Variants in ACYP2 observed in about 807,000 individuals in gnomAD.
ACYP2 encodes acylphosphatase-2.
A neutral mutation model predicts 11.2 loss-of-function variants in ACYP2; 12 were observed. The observed-to-expected ratio is 1.08, with a 90% CI of 0.69 to 1.74. ACYP2 has a LOEUF of 1.74. ACYP2 is among the 40% of genes most tolerant of loss of function. ACYP2 has a pLI of 0.00. For missense variants in ACYP2, 134 were observed against 101.9 expected, an observed-to-expected ratio of 1.31 and a Z score of -1.35; for synonymous variants, 43 against 32.2, an observed-to-expected ratio of 1.33 and a Z score of -1.13.
chr2:54,256,593 C>G (rs1475715220), intron 6 of ACYP2, among the ~76,000 whole-genome samples: 1 of 152,206 alleles, frequency 6.6e-6, no homozygotes, highest in Non-Finnish European at 1.5e-5. Flanking sequence ...ATAGGTATTA[C>G]AAATATTTCT....
chr2:54,171,378 C>T (rs1683215275), intron 6 of ACYP2, among the ~76,000 whole-genome samples: 1 of 152,210 alleles, frequency 6.6e-6, no homozygotes, highest in Non-Finnish European at 1.5e-5. Flanking sequence ...TACCCATCCA[C>T]TAAGAGCCCT....
At chr2:54,027,821 GTTTC>G (rs202001088) in intron 2 of ACYP2, among the ~76,000 whole-genome samples, 11 of 135,180 alleles carry the variant, frequency 8.1e-5, no homozygotes, top group Non-Finnish European at 1.3e-4. Context: ...TAGTCATCAT[GTTTC>G]TTTCTTTCTT....
At chr2:54,039,880 G>C (rs1472664546) in intron 2 of ACYP2, among the ~76,000 whole-genome samples, 1 of 140,760 alleles carries the variant, frequency 7.1e-6, no homozygotes, top group African/African-American at 2.6e-5. Context: ...TTTTGAGACA[G>C]GGTCTTGCTC....
intron 6 of ACYP2, among the ~76,000 whole-genome samples, chr2:54,265,389 C>A (rs901235660): frequency 3.3e-5 from 5 of 152,100 alleles, no homozygotes; most frequent in African/African-American, 1.2e-4. Context: ...ATGGGAAAGA[C>A]CCACCCCCAT....
chr2:54,255,813 A>G (rs767310219), intron 6 of ACYP2: 24 of 1,613,652 alleles, frequency 1.5e-5, no homozygotes, highest in Non-Finnish European at 1.9e-5. Context: ...CCGGAAAGCC[A>G]TTTTTGAGGC....
chr2:54,140,270 G>C (rs550127274), intron 6 of ACYP2, among the ~76,000 whole-genome samples: 1 of 152,018 alleles, frequency 6.6e-6, no homozygotes, highest in Non-Finnish European at 1.5e-5. Context: ...ATGATTCGAG[G>C]GAGCCTAGAA....
intron 6 of ACYP2, among the ~76,000 whole-genome samples, chr2:54,289,935 A>G (rs554623781): frequency 8.5e-5 from 13 of 152,132 alleles, no homozygotes; most frequent in African/African-American, 3.1e-4. Context: ...TGTCTAATAC[A>G]CAGCCAAACA....
At chr2:54,184,704 A>G (rs1418256458) in intron 6 of ACYP2, among the ~76,000 whole-genome samples, 1 of 152,348 alleles carries the variant, frequency 6.6e-6, no homozygotes, top group African/African-American at 2.4e-5. Flanking sequence ...ATATGGGAAG[A>G]CAATTTACTA....
chr2:53,978,303 A>G (rs915029313), intron 2 of ACYP2, among the ~76,000 whole-genome samples: 1 of 152,104 alleles, frequency 6.6e-6, no homozygotes, highest in Non-Finnish European at 1.5e-5. Flanking sequence ...AAAATATTAT[A>G]GAAATTATTG....
intron 5 of ACYP2, 39 bp downstream of exon 2, chr2:54,135,508 T>C (rs78531993): frequency 0.068 from 108,081 of 1,580,902 alleles, 5,741 homozygotes; most frequent in East Asian, 0.32. Context: ...CTATTTTTTT[T>C]CCACTGTTAT....
intron 2 of ACYP2, among the ~76,000 whole-genome samples, chr2:54,025,414 A>G (rs1280631772): frequency 1.3e-5 from 2 of 152,216 alleles, no homozygotes; most frequent in Non-Finnish European, 2.9e-5. Context: ...TAGAGAACCT[A>G]GAAAGCCAAG....
chr2:54,192,116 G>T (rs764288277), intron 6 of ACYP2, among the ~76,000 whole-genome samples: 1 of 151,932 alleles, frequency 6.6e-6, no homozygotes, highest in Non-Finnish European at 1.5e-5. Flanking sequence ...ACTAATACAT[G>T]GAGAAAAAAA....
At chr2:54,265,287 G>T (rs1253163105) in intron 6 of ACYP2, among the ~76,000 whole-genome samples, 9 of 152,178 alleles carry the variant, frequency 5.9e-5, no homozygotes. Flanking sequence ...TACATGGATG[G>T]CAGCAGGCAA....
At chr2:54,161,759 T>C (rs1682720687) in intron 6 of ACYP2, among the ~76,000 whole-genome samples, 1 of 152,198 alleles carries the variant, frequency 6.6e-6, no homozygotes. Flanking sequence ...TTTGTAAATA[T>C]TTTGTAAGAA....
intron 6 of ACYP2, among the ~76,000 whole-genome samples, chr2:54,222,486 G>T (rs1685838584): frequency 6.6e-6 from 1 of 151,086 alleles, no homozygotes; most frequent in Admixed American, 6.6e-5. Context: ...GGAGGCGGAG[G>T]TTGCAGTGAG....
At chr2:54,199,338 G>A (rs1053102337) in intron 6 of ACYP2, among the ~76,000 whole-genome samples, 1 of 152,176 alleles carries the variant, frequency 6.6e-6, no homozygotes, top group Admixed American at 6.5e-5. Flanking sequence ...TGTCTCCTCT[G>A]CTCGTGCACA....
chr2:54,078,641 C>T (rs1677477285), intron 4 of ACYP2, among the ~76,000 whole-genome samples: 1 of 151,562 alleles, frequency 6.6e-6, no homozygotes, highest in African/African-American at 2.4e-5. Flanking sequence ...ACTCTGTCAC[C>T]CAGGCTGGAG....
intron 4 of ACYP2, among the ~76,000 whole-genome samples, chr2:54,089,642 A>C (rs148754971): frequency 1.8e-3 from 266 of 151,992 alleles, no homozygotes; most frequent in Non-Finnish European, 3.1e-3. Flanking sequence ...CAGGGGGCTG[A>C]GGTGAAAGGA....
chr2:54,115,682 G>C (rs746369033), intron 4 of ACYP2: 15 of 1,609,458 alleles, frequency 9.3e-6, no homozygotes, highest in South Asian at 1.1e-5. Context: ...CTCCTCAACA[G>C]AGGGCTCGCC....
Sources: allele counts gnomAD v4.1 joint callset (sites outside exome capture counted in the v4.1 genomes callset), GRCh38; gene constraint gnomAD v4.1.1; transcripts MANE v1.5; gene names NCBI Gene and HGNC (gene_info 2026-07-23, HGNC 2026-07-21).